MAP2K5: variants seen among roughly 807,000 people sequenced by gnomAD.
MAP2K5 encodes the protein mitogen-activated protein kinase kinase 5, also known as dual specificity mitogen-activated protein kinase kinase 5.
A neutral mutation model predicts 83.1 loss-of-function variants in MAP2K5; 49 were observed. That is an observed-to-expected ratio of 0.59 (90% CI 0.47 to 0.75). The LOEUF (loss-of-function observed/expected upper bound fraction) is 0.75. Among genes scored for constraint, MAP2K5 ranks in the 30% least tolerant of loss-of-function variants. The pLI, the probability that MAP2K5 is intolerant of heterozygous loss-of-function variation, is 0.00. For synonymous variants in MAP2K5, 202 were observed against 191.8 expected (o/e 1.05, Z -0.44); for missense variants, 457 against 557.5 (o/e 0.82, Z 1.82).
intron 3 of MAP2K5, among the ~76,000 whole-genome samples, chr15:67,570,002 T>TGAAA (rs199719473): frequency 0.01 from 1,581 of 152,328 alleles, 14 homozygotes; most frequent in Non-Finnish European, 0.017. Context: ...AAAAATCAGG[T>TGAAA]GAAAGGTCAG....
Position 67,565,910 on chromosome 15 carries a change from A to G in MAP2K5, c.252+2560A>G, listed in dbSNP as rs1452294947. On this transcript the variant is annotated intron_variant, in intron 3 of 21. Transcript: ENST00000178640. The surrounding 1 kb of genome is among the most constrained non-coding windows in gnomAD (Gnocchi z 4.1). ...CAGGCGTGAGCCAAGGTGCCTGGCCAGGTTGGCTGTCATTTTGATCTGTCT... is the reference window on the plus strand; with the variant it reads ...CAGGCGTGAGCCAAGGTGCCTGGCCGGGTTGGCTGTCATTTTGATCTGTCT... Among the ~76,000 whole-genome samples the G allele has an allele frequency of 1.3e-5, 2 of 152,206 alleles. No homozygotes were observed. Among genetic ancestry groups the G allele is most frequent in the Non-Finnish European group, 2.9e-5 (2 of 68,028 alleles).
At chr15:67,594,013 G>A (rs10851775) in intron 7 of MAP2K5, among the ~76,000 whole-genome samples, 126,801 of 152,170 alleles carry the variant, frequency 0.83, 53,673 homozygotes, top group Middle Eastern at 0.93. Context: ...CTGTATGGTA[G>A]TGCTTCTGGA....
rs371403834 is a variant in MAP2K5, at chr15:67,638,509, T to C, written c.585+7582T>C. 1.2e-3 allele frequency among the ~76,000 whole-genome samples: 177 copies of C among 152,326 alleles called. 1 individual carries two copies. The highest frequency in any genetic ancestry group is 4.1e-3 in the African/African-American group (169 of 41,572). On this transcript the variant is annotated intron_variant, in intron 9 of 21. Coordinates refer to ENST00000178640, the MANE Select transcript of MAP2K5 (RefSeq NM_145160.3). This position sits in a 1 kb window ranked among gnomAD's most constrained non-coding sequence, Gnocchi z 4.5. Reference sequence around the variant, plus strand: ...TAGGTTGATTCCATGTCTTTGCTATTGCGAATAGTGCTGCAATGACCATTT... The same window carrying C: ...TAGGTTGATTCCATGTCTTTGCTATCGCGAATAGTGCTGCAATGACCATTT...
intron 3 of MAP2K5, among the ~76,000 whole-genome samples, chr15:67,576,249 A>G (rs910692876): frequency 3.4e-5 from 5 of 147,396 alleles, no homozygotes; most frequent in African/African-American, 1.2e-4. Context: ...TTTGTGCCTC[A>G]TAAACTTAAA....
intron 13 of MAP2K5, among the ~76,000 whole-genome samples, chr15:67,667,727 T>G (rs1369493686): frequency 1.3e-5 from 2 of 152,178 alleles, no homozygotes; most frequent in Non-Finnish European, 2.9e-5. Flanking sequence ...GTGTTCAGTA[T>G]CTAATGAGAA....
intron 8 of MAP2K5, among the ~76,000 whole-genome samples, chr15:67,615,620 T>A (rs933996260): frequency 1.3e-5 from 2 of 152,132 alleles, no homozygotes; most frequent in Non-Finnish European, 2.9e-5. Flanking sequence ...GTTAATAAAA[T>A]CTACCTTCAA....
Position 67,769,548 on chromosome 15 carries a change from A to G in MAP2K5, c.1135-54A>G. 1 of 1,539,754 alleles carries G rather than the reference A, an allele frequency of 6.5e-7. No individual in the cohort carries two copies. The highest frequency in any genetic ancestry group is 9.0e-7 in the Non-Finnish European group (1 of 1,113,052). The stretch of plus-strand genomic sequence containing the variant: ...TCACATGGGTGGGTGGGGAATATAA[A>G]GAAAGAGAAGGAACTGTTGTGACTT... On this transcript the variant is annotated intron_variant, in intron 19 of 21. Transcript: ENST00000178640. This position sits in a 1 kb window ranked among gnomAD's most constrained non-coding sequence, Gnocchi z 5.2.
chr15:67,766,897 T>C (rs1003488334), intron 19 of MAP2K5, among the ~76,000 whole-genome samples: 2 of 152,224 alleles, frequency 1.3e-5, no homozygotes, highest in Non-Finnish European at 2.9e-5. Flanking sequence ...CTCAGTCTTC[T>C]GCATCTCAGA....
At position 67,552,297 on chromosome 15, in the gene MAP2K5, A is replaced by G. The variant is rs1173090722; in HGVS notation, c.184+2215A>G. Among the ~76,000 whole-genome samples, 2 of 152,226 alleles carry G rather than the reference A, an allele frequency of 1.3e-5. No individual in the cohort carries two copies. Among genetic ancestry groups the G allele is most frequent in the Non-Finnish European group, 2.9e-5 (2 of 68,050 alleles). On this transcript the variant is annotated intron_variant, in intron 2 of 21. Coordinates refer to ENST00000178640, the MANE Select transcript of MAP2K5 (RefSeq NM_145160.3). This position sits in a 1 kb window ranked among gnomAD's most constrained non-coding sequence, Gnocchi z 4.2. ...TGCAAGCTTTATTCAGACTCTTTGC[A>G]GTAACTCCTTGCAGGTTCCACGGGT...
intron 7 of MAP2K5, 60 bp from the exon 8 acceptor site, chr15:67,600,625 T>C (rs938451088): frequency 2.1e-6 from 3 of 1,404,972 alleles, no homozygotes; most frequent in African/African-American, 1.4e-5. Flanking sequence ...GAGTTGCTTT[T>C]CCTTGACATT....
intron 4 of MAP2K5, among the ~76,000 whole-genome samples, chr15:67,582,556 A>G (rs2085201913): frequency 6.6e-6 from 1 of 152,140 alleles, no homozygotes; most frequent in African/African-American, 2.4e-5. Context: ...ACAGTGGTTC[A>G]TGCCTGTAAT....
intron 21 of MAP2K5, among the ~76,000 whole-genome samples, chr15:67,792,414 T>A (rs528546648): frequency 1.3e-5 from 2 of 152,306 alleles, no homozygotes; most frequent in East Asian, 3.9e-4. Context: ...TACCAGGACT[T>A]GAAAAATGTT....
chr15:67,669,247 G>C (rs2087465174), intron 13 of MAP2K5, among the ~76,000 whole-genome samples: 1 of 152,082 alleles, frequency 6.6e-6, no homozygotes, highest in Non-Finnish European at 1.5e-5. Flanking sequence ...AGTGGGTTAG[G>C]AAACATTTCT....
chr15:67,658,804 G>A (rs1198566307), intron 12 of MAP2K5, 190 bp downstream of exon 12: 1 of 636,064 alleles, frequency 1.6e-6, no homozygotes, highest in Non-Finnish European at 2.9e-6. Flanking sequence ...ATAGTCACAC[G>A]CTTATGTGCT....
chr15:67,691,956 G>A (rs1393903910), intron 13 of MAP2K5, among the ~76,000 whole-genome samples: 1 of 152,144 alleles, frequency 6.6e-6, no homozygotes, highest in Non-Finnish European at 1.5e-5. Context: ...TAAAACATGT[G>A]AAATAGCAGT....
intron 9 of MAP2K5, among the ~76,000 whole-genome samples, chr15:67,641,892 A>G (rs1220856018): frequency 6.6e-6 from 1 of 152,236 alleles, no homozygotes; most frequent in Admixed American, 6.5e-5. Flanking sequence ...ACTCACAAGA[A>G]TACACAGGGG....
rs192247199 is a variant in MAP2K5, at chr15:67,582,688, G to A, written c.322+1865G>A. Among the ~76,000 whole-genome samples the A allele has an allele frequency of 4.9e-4, 75 of 152,124 alleles. No individual in the cohort carries two copies. The East Asian group carries it at 6.8e-3, about 14-fold the overall frequency. On this transcript the variant is annotated intron_variant, in intron 4 of 21. Coordinates refer to ENST00000178640, the MANE Select transcript of MAP2K5 (RefSeq NM_145160.3). Reference sequence around the variant, plus strand: ...AATACAAAAATTAGCCGGGCGTGGTGCACACTCCTGTTGTCCCAGCTACTT... The same window carrying A: ...AATACAAAAATTAGCCGGGCGTGGTACACACTCCTGTTGTCCCAGCTACTT...
chr15:67,701,547 C>T (rs1164365124), intron 15 of MAP2K5, among the ~76,000 whole-genome samples: 1 of 152,036 alleles, frequency 6.6e-6, no homozygotes, highest in African/African-American at 2.4e-5. Context: ...AAGGTTTCAC[C>T]CTCAAACAGG....
Position 67,790,123 on chromosome 15 carries a change from C to G in MAP2K5, c.1243-16523C>G, listed in dbSNP as rs548187951. Among the ~76,000 whole-genome samples, 61 of 152,280 alleles carry G rather than the reference C, an allele frequency of 4.0e-4. No homozygotes were observed. The highest frequency in any genetic ancestry group is 1.5e-3 in the African/African-American group (61 of 41,552). Reference sequence around the variant, plus strand: ...TTTCTTCCACTCTTAAAAAAGCAGGCTTGGAAATTGCAAGGCAGAGCTGGA... The same window carrying G: ...TTTCTTCCACTCTTAAAAAAGCAGGGTTGGAAATTGCAAGGCAGAGCTGGA... On this transcript the variant is annotated intron_variant, in intron 21 of 21. Transcript: ENST00000178640. This position sits in a 1 kb window ranked among gnomAD's most constrained non-coding sequence, Gnocchi z 4.6.
Sources: allele counts gnomAD v4.1 joint callset (sites outside exome capture counted in the v4.1 genomes callset), GRCh38; gene constraint gnomAD v4.1.1; non-coding constraint Gnocchi (gnomAD v3.1); transcripts MANE v1.5; gene names NCBI Gene and HGNC (gene_info 2026-07-23, HGNC 2026-07-21).